Variants in P2RY12 observed in about 807,000 individuals in gnomAD.
P2RY12 encodes the protein purinergic receptor P2Y12, also known as P2Y purinoceptor 12.
In P2RY12, 3 loss-of-function variants were observed where a neutral mutation model predicts 4.5. The ratio of observed to expected loss-of-function variants is 0.67; its 90% CI spans 0.31 to 1.74. The LOEUF (loss-of-function observed/expected upper bound fraction) is 1.74, where lower values mean the gene tolerates loss of function less well. P2RY12 is among the 40% of genes most tolerant of loss of function. P2RY12 has a pLI of 0.09. For synonymous variants in P2RY12, 148 were observed against 154.1 expected (o/e 0.96, Z 0.29); for missense variants, 356 against 407.8 (o/e 0.87, Z 1.09).
intron 1 of P2RY12, among the ~76,000 whole-genome samples, chr3:151,351,758 G>T (rs4680374): frequency 0.76 from 116,184 of 152,062 alleles, 45,544 homozygotes; most frequent in Middle Eastern, 0.92. Flanking sequence ...TCTTTCCAGA[G>T]CCTATGGAAC....
chr3:151,345,820 A>G (rs766264593), intron 1 of P2RY12, among the ~76,000 whole-genome samples: 5 of 151,960 alleles, frequency 3.3e-5, no homozygotes, highest in Non-Finnish European at 7.4e-5. Flanking sequence ...CCCAGCCTAC[A>G]TTTTCTACTT....
intron 1 of P2RY12, chr3:151,366,023 T>G (rs1755228237): frequency 6.7e-7 from 1 of 1,497,404 alleles, no homozygotes; most frequent in Non-Finnish European, 8.9e-7. Flanking sequence ...AAAATTGAAC[T>G]GTGCAATTAA....
chr3:151,344,725 A>G (rs1433411567), intron 1 of P2RY12, among the ~76,000 whole-genome samples: 1 of 152,152 alleles, frequency 6.6e-6, no homozygotes, highest in Non-Finnish European at 1.5e-5. Context: ...ATCTGTTTTT[A>G]TTAGTGTTTG....
In P2RY12 at chr3:151,337,894, A is replaced by G. The variant is rs763765856; in HGVS notation, c.952T>C (p.Ser318Pro). 4 of 1,614,118 alleles carry G rather than the reference A, an allele frequency of 2.5e-6. No individual in the cohort carries two copies. In the South Asian group the frequency reaches 4.4e-5, roughly 18 times the overall value. ...TTGTCCTGGGACAGAGATGTTGCAG[A>G]ATTGGGGCACTTCAGCATACTTATC... is the stretch of plus-strand genomic sequence containing the variant. ...SLISMLKCPNSATSLSQDNRK... is the reference protein window; with the variant it reads ...SLISMLKCPNPATSLSQDNRK... The change falls in exon 3 of 3, where the codon TCT becomes CCT. Residue 318 changes from serine to proline, a missense_variant. Physicochemically the swap from Ser to Pro is moderately conservative, Grantham distance 74. Transcript: ENST00000302632.
intron 1 of P2RY12, among the ~76,000 whole-genome samples, chr3:151,371,293 A>G (rs1446693555): frequency 6.6e-6 from 1 of 152,178 alleles, no homozygotes; most frequent in Non-Finnish European, 1.5e-5. Context: ...TTTAATTTCT[A>G]CAATGTAACT....
intron 1 of P2RY12, among the ~76,000 whole-genome samples, chr3:151,378,422 C>G (rs1711614901): frequency 6.6e-6 from 1 of 152,136 alleles, no homozygotes; most frequent in Non-Finnish European, 1.5e-5. Context: ...ACAGTGATTT[C>G]CGAGACCCGC....
At chr3:151,348,340 C>CAA (rs11382065) in intron 1 of P2RY12, among the ~76,000 whole-genome samples, 205 of 87,790 alleles carry the variant, frequency 2.3e-3, no homozygotes, top group African/African-American at 4.4e-3. Context: ...ACCACCAGAC[C>CAA]AAAAAAAAAA....
chr3:151,376,664 A>G (rs1756891786), intron 1 of P2RY12: 25 of 704,866 alleles, frequency 3.5e-5, no homozygotes, highest in South Asian at 3.4e-4. Flanking sequence ...AAGATTGGGA[A>G]CCTTTTGACT....
At position 151,349,978 on chromosome 3, in the gene P2RY12, G is replaced by C. The variant is rs1753019837; in HGVS notation, c.-179-9218C>G. 3.0e-6 allele frequency: 4 copies of C among 1,355,806 alleles called. No individual in the cohort carries two copies. In the Admixed American group the frequency reaches 5.9e-5, roughly 20 times the overall value. The allele number at this position is 1,355,806 out of a possible 1,614,324, so 84.0% of individuals were successfully genotyped here. ...CACCGCAAGCCAGCATGGAGGTGCT[G>C]TGGTCAGTGCATTTCAGGGATATGA... On this transcript the variant is annotated intron_variant, in intron 1 of 2. Transcript: ENST00000302632.
intron 1 of P2RY12, among the ~76,000 whole-genome samples, chr3:151,368,742 T>TCATTTCATG: frequency 7.8e-6 from 1 of 128,012 alleles, no homozygotes; most frequent in East Asian, 2.4e-4. Flanking sequence ...TTCATTTCAT[T>TCATTTCATG]TCATTTCATG....
At chr3:151,368,586 A>AT (rs1295459593) in intron 1 of P2RY12, among the ~76,000 whole-genome samples, 1 of 120,732 alleles carries the variant, frequency 8.3e-6, no homozygotes, top group Non-Finnish European at 1.8e-5. Flanking sequence ...GGCAATGGTG[A>AT]TTTATTTTAT....
At chr3:151,355,403 T>G (rs1269944335) in intron 1 of P2RY12, among the ~76,000 whole-genome samples, 4 of 152,366 alleles carry the variant, frequency 2.6e-5, no homozygotes, top group Admixed American at 6.5e-5. Context: ...AGTGTCAGGT[T>G]GCCTTCCTCG....
intron 1 of P2RY12, chr3:151,355,797 T>C (rs918710109): frequency 2.9e-6 from 3 of 1,023,084 alleles, no homozygotes; most frequent in Middle Eastern, 2.9e-4. Context: ...AGTAGAATCA[T>C]GTATAGATTC....
intron 1 of P2RY12, among the ~76,000 whole-genome samples, chr3:151,348,907 G>T (rs920701587): frequency 6.6e-6 from 1 of 152,176 alleles, no homozygotes; most frequent in Non-Finnish European, 1.5e-5. Flanking sequence ...GTTCTTTGTT[G>T]CTGCCACTGC....
Position 151,337,013 on chromosome 3 carries a change from A to G in P2RY12, c.*804T>C, listed in dbSNP as rs957359173. ...ATGTTCATTAACCTAATTAGCAGCT[A>G]TTTTCTAGAAGCTAATTAATAAAGG... On this transcript the variant is annotated 3_prime_UTR_variant, in exon 3 of 3. Transcript: ENST00000302632. 2.0e-5 allele frequency: 3 copies of G among 152,164 alleles called. No homozygotes were observed. The highest frequency in any genetic ancestry group is 4.4e-5 in the Non-Finnish European group (3 of 68,042). 9.4% of individuals were successfully genotyped at this position (152,164 alleles called of 1,614,324 possible). A position where few individuals can be genotyped will look rare whatever the true frequency, so the allele number is the denominator to read the frequency against.
intron 1 of P2RY12, among the ~76,000 whole-genome samples, chr3:151,351,942 A>G (rs1038665423): frequency 2.6e-5 from 4 of 152,182 alleles, no homozygotes; most frequent in African/African-American, 7.2e-5. Flanking sequence ...AGCGAAAAAC[A>G]TTGTTGTTCT....
intron 1 of P2RY12, chr3:151,377,986 G>C (rs372921912): frequency 1.9e-6 from 3 of 1,559,166 alleles, no homozygotes; most frequent in Admixed American, 3.6e-5. Context: ...TGCTTTCTCC[G>C]GTGTAACACC....
rs140968689 is a variant in P2RY12, at chr3:151,339,929, A to G, written c.-15+667T>C. On this transcript the variant is annotated intron_variant, in intron 2 of 2. Transcript: ENST00000302632. ...AAATATTCTTAATAATCAGAGATAT[A>G]TTGAAAGTACAAATAACAAATTTTA... Among the ~76,000 whole-genome samples, 161 of 152,270 alleles carry G rather than the reference A, an allele frequency of 1.1e-3. 1 individual carries two copies. Among genetic ancestry groups the G allele is most frequent in the African/African-American group, 3.7e-3 (152 of 41,570 alleles).
Position 151,337,610 on chromosome 3 carries a change from C to CTA in P2RY12, c.*206_*207insTA. On this transcript the variant is annotated 3_prime_UTR_variant, in exon 3 of 3. Coordinates refer to ENST00000302632, the MANE Select transcript of P2RY12 (RefSeq NM_022788.5). ...GATGTCGTTTGTTTTGCTGCTAATA[C>CTA]AGCTACAGTTTAGATTAGTTTTCTA... 1.8e-6 allele frequency: 1 copy of CTA among 563,504 alleles called. No homozygotes were observed. The highest frequency in any genetic ancestry group is 3.1e-6 in the Non-Finnish European group (1 of 323,614). The allele number at this position is 563,504 out of a possible 1,614,324, so 34.9% of individuals were successfully genotyped here.
Sources: gnomAD v4.1 joint callset for allele counts (sites outside exome capture counted in the v4.1 genomes callset) on GRCh38, gnomAD v4.1.1 for gene constraint, MANE v1.5 for transcripts, NCBI Gene and HGNC (gene_info 2026-07-23, HGNC 2026-07-21) for gene names.